Variants in GPM6A observed in about 807,000 individuals in gnomAD.
GPM6A encodes neuronal membrane glycoprotein M6-a.
GPM6A carries 7 observed loss-of-function variants against 32.1 expected under a neutral mutation model. The ratio of observed to expected loss-of-function variants is 0.22; its 90% CI spans 0.12 to 0.41. The LOEUF is 0.41. Ranked by LOEUF, GPM6A falls within the 10% of genes least tolerant of loss-of-function variation. The pLI, the probability that GPM6A is intolerant of heterozygous loss-of-function variation, is 1.00. For synonymous variants in GPM6A, 130 were observed against 123.4 expected, an observed-to-expected ratio of 1.05 and a Z score of -0.35; for missense variants, 235 against 347.2, an observed-to-expected ratio of 0.68 and a Z score of 2.57.
chr4:175,916,739 A>G (rs1425910641), intron 1 of GPM6A, among the ~76,000 whole-genome samples: 1 of 152,176 alleles, frequency 6.6e-6, no homozygotes, highest in Non-Finnish European at 1.5e-5. Context: ...GAGGTCTCAC[A>G]TAGTTTCAAG....
At chr4:175,760,095 G>A (rs1306569277) in intron 1 of GPM6A, among the ~76,000 whole-genome samples, 1 of 152,058 alleles carries the variant, frequency 6.6e-6, no homozygotes, top group Non-Finnish European at 1.5e-5. Flanking sequence ...CAAGAGAATC[G>A]CTACTGGGAG....
At chr4:175,791,741 CAT>C in intron 1 of GPM6A, among the ~76,000 whole-genome samples, 1 of 152,140 alleles carries the variant, frequency 6.6e-6, no homozygotes, top group African/African-American at 2.4e-5. Flanking sequence ...TAGAGACATT[CAT>C]ATTTTACCCA....
rs540425822 is a variant in GPM6A at position 175,968,624 on chromosome 4, A to T, written c.-23+33685T>A. 8.2e-4 allele frequency among the ~76,000 whole-genome samples: 125 copies of T among 152,310 alleles called. 2 individuals carry two copies. The highest frequency in any genetic ancestry group is 2.9e-5 in the Non-Finnish European group (2 of 68,014). ...AATTAAAAAACGGACAATAAATCTG[A>T]CCTAACATCTCACCAAAGATGACAT... is the stretch of plus-strand genomic sequence containing the variant. On this transcript the variant is annotated intron_variant, in intron 1 of 7. Transcript: ENST00000280187.
At chr4:175,927,174 T>C (rs1253313629) in intron 1 of GPM6A, among the ~76,000 whole-genome samples, 1 of 152,232 alleles carries the variant, frequency 6.6e-6, no homozygotes, top group Non-Finnish European at 1.5e-5. Context: ...ACAAGAAATG[T>C]ATAGCTTGTC....
At chr4:175,895,653 G>A (rs1030219384) in intron 1 of GPM6A, among the ~76,000 whole-genome samples, 1 of 152,046 alleles carries the variant, frequency 6.6e-6, no homozygotes, top group Non-Finnish European at 1.5e-5. Context: ...GTAGGATATT[G>A]GTAAAGTCTC....
chr4:175,644,600 T>A lies in GPM6A; in HGVS notation c.542-3771A>T, dbSNP rs564050427. Among the ~76,000 whole-genome samples the A allele has an allele frequency of 3.9e-5, 6 of 152,142 alleles. No individual in the cohort carries two copies. In the East Asian group the frequency reaches 9.6e-4, roughly 24 times the overall value. On this transcript the variant is annotated intron_variant, in intron 4 of 6. Transcript: ENST00000393658. ...GGAGCACGTGGAGGATGAGCTGCAG[T>A]GTAAATTTGAAAACCTGATTATTTT... is the stretch of plus-strand genomic sequence containing the variant.
intron 1 of GPM6A, among the ~76,000 whole-genome samples, chr4:175,801,571 T>A (rs1249521935): frequency 1.3e-5 from 2 of 152,100 alleles, no homozygotes; most frequent in East Asian, 1.9e-4. Context: ...AGGAATTTGT[T>A]AGAGATGGAA....
At chr4:175,709,822 A>T (rs1198448368) in intron 1 of GPM6A, among the ~76,000 whole-genome samples, 1 of 152,004 alleles carries the variant, frequency 6.6e-6, no homozygotes. Context: ...CATAGTGGGG[A>T]TCTCTTCCCA....
chr4:175,964,834 G>A (rs1740284089), intron 1 of GPM6A, among the ~76,000 whole-genome samples: 1 of 152,172 alleles, frequency 6.6e-6, no homozygotes, highest in South Asian at 2.1e-4. Context: ...CACGGATAAA[G>A]AGAGGCACTA....
intron 6 of GPM6A, among the ~76,000 whole-genome samples, chr4:175,637,609 T>C (rs868455177): frequency 1.9e-5 from 1 of 53,778 alleles, no homozygotes; most frequent in Admixed American, 3.9e-4. Flanking sequence ...GTAAAATATA[T>C]AATATATAAT....
intron 1 of GPM6A, among the ~76,000 whole-genome samples, chr4:175,764,975 G>A (rs1462195192): frequency 6.6e-6 from 1 of 151,810 alleles, no homozygotes; most frequent in Non-Finnish European, 1.5e-5. Flanking sequence ...CCGGGTTCAA[G>A]TGATTCTCCT....
chr4:175,985,160 C>T (rs770208842), intron 1 of GPM6A, among the ~76,000 whole-genome samples: 73 of 152,044 alleles, frequency 4.8e-4, no homozygotes, highest in Non-Finnish European at 9.4e-4. Context: ...CTTGAAATTG[C>T]ATTTGAAAAT....
rs185835586 is a variant in GPM6A, at chr4:175,859,900, G to A, written c.-22-47651C>T. On this transcript the variant is annotated intron_variant, in intron 1 of 7. Transcript: ENST00000280187. ...AAAAAGTAGGCAACACAAAATAGCTGCTAAATACCAAATATTTAAAAAATA... is the reference window on the plus strand; with the variant it reads ...AAAAAGTAGGCAACACAAAATAGCTACTAAATACCAAATATTTAAAAAATA... 1.7e-4 allele frequency among the ~76,000 whole-genome samples: 26 copies of A among 152,140 alleles called. No individual in the cohort carries two copies. In the East Asian group the frequency reaches 5.0e-3, roughly 29 times the overall value.
At chr4:175,854,801 C>A (rs1182250541) in intron 1 of GPM6A, among the ~76,000 whole-genome samples, 2 of 152,110 alleles carry the variant, frequency 1.3e-5, no homozygotes, top group Non-Finnish European at 2.9e-5. Flanking sequence ...GAGGGTTTGC[C>A]TTCAGTATTT....
chr4:175,921,193 T>C (rs1258963728), intron 1 of GPM6A, among the ~76,000 whole-genome samples: 1 of 152,188 alleles, frequency 6.6e-6, no homozygotes, highest in African/African-American at 2.4e-5. Flanking sequence ...TTAATAACTT[T>C]CAATAACAAA....
chr4:175,763,940 T>C (rs186195234), intron 1 of GPM6A, among the ~76,000 whole-genome samples: 1 of 152,326 alleles, frequency 6.6e-6, no homozygotes, highest in Admixed American at 6.5e-5. Context: ...ATCAGAAACA[T>C]GATTTTGGAA....
rs1740830382 is a variant in GPM6A, at chr4:175,637,658, AATATATAATAT to A, written c.684+2460_684+2470del. Among the ~76,000 whole-genome samples the A allele has an allele frequency of 6.6e-4, 17 of 25,758 alleles. No individual in the cohort carries two copies. The South Asian group carries it at 0.02, about 31-fold the overall frequency. 16.9% of individuals were successfully genotyped at this position (25,758 alleles called of 152,430 possible). On this transcript the variant is annotated intron_variant, in intron 6 of 6. Coordinates refer to ENST00000393658, the MANE Select transcript of GPM6A (RefSeq NM_201591.3). ...ATATTATATATTATATAAAATATAA[AATATATAATAT>A]ATATAATATATATATAATATATAAT...
intron 1 of GPM6A, chr4:175,787,307 A>T (rs1313618318): frequency 1.5e-5 from 20 of 1,306,248 alleles, no homozygotes; most frequent in Non-Finnish European, 2.0e-5. Flanking sequence ...CACTGATAAT[A>T]CTCCCACCAA....
Position 175,713,382 on chromosome 4 carries a change from G to A in GPM6A, c.38-11615C>T, listed in dbSNP as rs547191089. On this transcript the variant is annotated intron_variant, in intron 1 of 6. Transcript: ENST00000393658. ...AACACCTGGCTAATTTAGTAGAGAC[G>A]GGGTTTCATCATATTGGTCAGGCTG... Among the ~76,000 whole-genome samples, 5 of 152,002 alleles carry A rather than the reference G, an allele frequency of 3.3e-5. No homozygotes were observed. In the East Asian group the frequency reaches 5.8e-4, roughly 18 times the overall value.
Sources: allele counts gnomAD v4.1 joint callset (sites outside exome capture counted in the v4.1 genomes callset), GRCh38; gene constraint gnomAD v4.1.1; transcripts MANE v1.5; gene names NCBI Gene and HGNC (gene_info 2026-07-23, HGNC 2026-07-21).